IFT43: variants seen among roughly 807,000 people sequenced by gnomAD.
IFT43 encodes intraflagellar transport protein 43 homolog.
IFT43 carries 33 observed loss-of-function variants against 32.3 expected under a neutral mutation model. The ratio of observed to expected loss-of-function variants is 1.02; its 90% CI spans 0.77 to 1.37. The LOEUF is 1.37. Ranked by LOEUF, IFT43 falls within the 40% of genes most tolerant of loss-of-function variation. IFT43 has a pLI of 0.00. For missense variants in IFT43, 274 were observed against 265.9 expected, an observed-to-expected ratio of 1.03 and a Z score of -0.21; for synonymous variants, 93 against 98.2, an observed-to-expected ratio of 0.95 and a Z score of 0.31.
chr14:76,080,714 C>T (rs1377819483), intron 5 of IFT43, among the ~76,000 whole-genome samples: 1 of 152,190 alleles, frequency 6.6e-6, no homozygotes, highest in Non-Finnish European at 1.5e-5. Context: ...TGGGGAACGG[C>T]ATTCTCAGCA....
intron 5 of IFT43, 89 bp from the exon 6 acceptor site, chr14:76,082,206 T>G (rs1594870929): frequency 3.7e-5 from 42 of 1,140,910 alleles, no homozygotes; most frequent in African/African-American, 1.5e-5. Flanking sequence ...CCATGGCTGG[T>G]GTGTTGAAGG....
chr14:76,053,100 A>T (rs138043647), intron 3 of IFT43, among the ~76,000 whole-genome samples: 2 of 152,326 alleles, frequency 1.3e-5, no homozygotes, highest in African/African-American at 4.8e-5. Flanking sequence ...AAACAAAGAG[A>T]ATAAAATAAG....
At chr14:76,068,588 C>A (rs2037267157) in intron 5 of IFT43, among the ~76,000 whole-genome samples, 1 of 152,192 alleles carries the variant, frequency 6.6e-6, no homozygotes, top group Non-Finnish European at 1.5e-5. Flanking sequence ...TGTAGGATGG[C>A]AAAACTGCTC....
At chr14:76,075,378 CA>C (rs111869609) in intron 5 of IFT43, among the ~76,000 whole-genome samples, 2,078 of 152,346 alleles carry the variant, frequency 0.014, 60 homozygotes, top group African/African-American at 0.047. Context: ...TCGAGGAGTG[CA>C]GGGGACCGCT....
At chr14:76,015,288 T>C (rs184196525) in intron 2 of IFT43, among the ~76,000 whole-genome samples, 3 of 152,314 alleles carry the variant, frequency 2.0e-5, no homozygotes, top group African/African-American at 4.8e-5. Context: ...CCTCAGGAGA[T>C]AGGCATTTCC....
intron 1 of IFT43, among the ~76,000 whole-genome samples, chr14:75,987,829 C>G (rs2035558918): frequency 6.6e-6 from 1 of 152,192 alleles, no homozygotes; most frequent in African/African-American, 2.4e-5. Context: ...TTGAAGTGCT[C>G]TGATTTCCAA....
chr14:75,996,112 G>A (rs1042470100), intron 2 of IFT43, among the ~76,000 whole-genome samples: 1 of 152,160 alleles, frequency 6.6e-6, no homozygotes, highest in Admixed American at 6.5e-5. Context: ...AGTGCAAGTT[G>A]GTGCTCAAAG....
intron 2 of IFT43, among the ~76,000 whole-genome samples, chr14:75,998,495 A>G (rs1173057647): frequency 6.6e-6 from 1 of 152,226 alleles, no homozygotes; most frequent in Non-Finnish European, 1.5e-5. Flanking sequence ...ACTTGTGTTT[A>G]GGAAACACAT....
intron 5 of IFT43, among the ~76,000 whole-genome samples, chr14:76,074,755 G>A (rs1250933493): frequency 1.3e-5 from 2 of 152,180 alleles, no homozygotes; most frequent in East Asian, 3.8e-4. Context: ...ATACACCATA[G>A]TGTCTCCAGA....
chr14:75,991,140 G>A (rs1432160563), intron 2 of IFT43, among the ~76,000 whole-genome samples: 1 of 152,090 alleles, frequency 6.6e-6, no homozygotes, highest in Non-Finnish European at 1.5e-5. Flanking sequence ...AGGAGTTCAC[G>A]ACCAGCCTGG....
At chr14:76,054,526 G>T (rs958218820) in intron 3 of IFT43, among the ~76,000 whole-genome samples, 2 of 152,208 alleles carry the variant, frequency 1.3e-5, no homozygotes, top group Admixed American at 6.5e-5. Context: ...AGTGCCCAGC[G>T]TCCCTCTCTG....
chr14:76,040,408 T>C (rs2036685043), intron 3 of IFT43, among the ~76,000 whole-genome samples: 1 of 152,224 alleles, frequency 6.6e-6, no homozygotes, highest in African/African-American at 2.4e-5. Flanking sequence ...TTGGAAAGTA[T>C]TGTGAAGGCT....
At chr14:76,042,194 C>G (rs1253353974) in intron 3 of IFT43, among the ~76,000 whole-genome samples, 1 of 151,430 alleles carries the variant, frequency 6.6e-6, no homozygotes, top group Admixed American at 6.6e-5. Flanking sequence ...TCTTTTTCCT[C>G]AAAACAACCC....
rs1298718296 is a variant in IFT43 at position 76,081,421 on chromosome 14, T to C, written c.296-874T>C. 2.6e-5 allele frequency among the ~76,000 whole-genome samples: 4 copies of C among 152,218 alleles called. No homozygotes were observed. The East Asian group carries it at 7.7e-4, about 29-fold the overall frequency. ...CCCTTCTCCCCCACCCCTGACCGTT[T>C]AAAACAAAATGTCTCAACCAGTCAG... On this transcript the variant is annotated intron_variant, in intron 5 of 8. Transcript: ENST00000314067.
At chr14:76,060,835 TTCC>T (rs2037119596) in intron 5 of IFT43, among the ~76,000 whole-genome samples, 1 of 113,872 alleles carries the variant, frequency 8.8e-6, no homozygotes, top group Non-Finnish European at 1.8e-5. Flanking sequence ...CCTTTCTTCC[TTCC>T]TTCCTTCCTT....
In IFT43 at chr14:76,065,112, G is replaced by T. The variant is rs2037205570; in HGVS notation, c.295+5739G>T. The stretch of plus-strand genomic sequence containing the variant: ...AAGCTTCTCTAGGACATCTCGTCCA[G>T]ACCTGTCCTTTGTCATGTTAAGAAA... On this transcript the variant is annotated intron_variant, in intron 5 of 8. Transcript: ENST00000314067. 2.0e-5 allele frequency among the ~76,000 whole-genome samples: 3 copies of T among 152,272 alleles called. No individual in the cohort carries two copies. The South Asian group carries it at 6.2e-4, about 32-fold the overall frequency.
At chr14:76,064,502 T>A (rs546860783) in intron 5 of IFT43, among the ~76,000 whole-genome samples, 1 of 152,194 alleles carries the variant, frequency 6.6e-6, no homozygotes, top group South Asian at 2.1e-4. Context: ...TGCATGGAAA[T>A]TGTAATGCTA....
chr14:76,003,253 G>GT (rs927740781), intron 2 of IFT43, among the ~76,000 whole-genome samples: 3 of 151,758 alleles, frequency 2.0e-5, no homozygotes, highest in Non-Finnish European at 2.9e-5. Flanking sequence ...TTTAGGTATT[G>GT]TTTTTTATAC....
chr14:76,011,319 T>G (rs1335452120), intron 2 of IFT43, among the ~76,000 whole-genome samples: 2 of 152,228 alleles, frequency 1.3e-5, no homozygotes, highest in Non-Finnish European at 2.9e-5. Flanking sequence ...AAGTGTCATT[T>G]TACTTATTAC....
Sources: gnomAD v4.1 joint callset for allele counts (sites outside exome capture counted in the v4.1 genomes callset) on GRCh38, gnomAD v4.1.1 for gene constraint, MANE v1.5 for transcripts, NCBI Gene and HGNC (gene_info 2026-07-23, HGNC 2026-07-21) for gene names.